The following CLEC7A variants were observed in gnomAD, a reference collection of about 807,000 sequenced individuals.
The protein encoded by CLEC7A is C-type lectin domain containing 7A, also known as C-type lectin domain family 7 member A.
In CLEC7A, 25 loss-of-function variants were observed where a neutral mutation model predicts 26.9. The observed-to-expected ratio is 0.93, with a 90% CI of 0.68 to 1.30. CLEC7A has a LOEUF of 1.30. CLEC7A is among the 50% of genes most tolerant of loss of function. The pLI is 0.00. For missense variants in CLEC7A, 275 were observed against 286.7 expected (o/e 0.96, Z 0.29); for synonymous variants, 100 against 99.5 (o/e 1.01, Z -0.03).
In CLEC7A at chr12:10,125,243, T is replaced by C. The variant is rs868279605; in HGVS notation, c.492+54A>G. On this transcript the variant is annotated intron_variant, in intron 4 of 5. Transcript: ENST00000304084. ...ATTGTCATTACCTGGAATCTCCCTCTATCTTCCTTCAGGATACACACCACA... is the reference window on the plus strand; with the variant it reads ...ATTGTCATTACCTGGAATCTCCCTCCATCTTCCTTCAGGATACACACCACA... 16 of 1,407,404 alleles carry C rather than the reference T, an allele frequency of 1.1e-5. No homozygotes were observed. In the Middle Eastern group the frequency reaches 1.1e-3, roughly 96 times the overall value. The allele number at this position is 1,407,404 out of a possible 1,614,324, so 87.2% of individuals were successfully genotyped here. A position where few individuals can be genotyped will look rare whatever the true frequency, so the allele number is the denominator to read the frequency against.
At position 10,130,068 on chromosome 12, in the gene CLEC7A, A is replaced by T. The variant is rs1948440689; in HGVS notation, c.15T>A (p.Pro5=). MEYH[P]DLENLDEDGY... Reference sequence around the variant, plus strand: ...CATCTTCATCCAAATTTTCTAAATCAGGATGATATTCCATTGTTCTTGAGA... The same window carrying T: ...CATCTTCATCCAAATTTTCTAAATCTGGATGATATTCCATTGTTCTTGAGA... The change falls in exon 1 of 6, where the codon CCT becomes CCA. Residue 5 remains proline, a synonymous_variant. Transcript: ENST00000304084. 1 of 1,582,164 alleles carries T rather than the reference A, an allele frequency of 6.3e-7. No individual in the cohort carries two copies. Among genetic ancestry groups the T allele is most frequent in the Non-Finnish European group, 8.7e-7 (1 of 1,151,766 alleles).
upstream of CLEC7A, chr12:10,130,281 C>T: frequency 2.3e-6 from 1 of 429,518 alleles, no homozygotes; most frequent in African/African-American, 2.0e-5. Flanking sequence ...TGGTAATTTT[C>T]CATTTGTACC....
chr12:10,125,350 G>T lies in CLEC7A; in HGVS notation c.439C>A (p.Gln147Lys). 1 of 1,613,638 alleles carries T rather than the reference G, an allele frequency of 6.2e-7. No individual in the cohort carries two copies. The highest frequency in any genetic ancestry group is 8.5e-7 in the Non-Finnish European group (1 of 1,179,830). The change falls in exon 4 of 6, where the codon CAA becomes AAA. Residue 147 changes from glutamine (Q) to lysine (K), a missense_variant. Transcript: ENST00000304084. The part of the protein sequence containing the change: ...SLNSWDGSKR[Q>K]CWQLGSNLLK... ...AGATTAGAGCCCAGTTGCCAGCATT[G>T]TCTTTTACTTCCATCCCAGGAATTT...
At chr12:10,127,179 G>C in intron 2 of CLEC7A, 1 of 1,056,720 alleles carries the variant, frequency 9.5e-7, no homozygotes, top group Non-Finnish European at 1.3e-6. Context: ...GATTGCATGT[G>C]ATATAAAATG....
intron 3 of CLEC7A, chr12:10,125,991 A>G (rs1297421183): frequency 5.8e-6 from 1 of 173,114 alleles, no homozygotes; most frequent in Non-Finnish European, 1.1e-5. Context: ...GTCATAGTCA[A>G]TTATGATGCA....
intron 5 of CLEC7A, among the ~76,000 whole-genome samples, chr12:10,120,977 A>T (rs1323262721): frequency 6.6e-6 from 1 of 150,556 alleles, no homozygotes; most frequent in African/African-American, 2.4e-5. Context: ...AATCGCTTGA[A>T]CCCAGGAGGC....
Position 10,129,976 on chromosome 12 carries a change from A to G in CLEC7A, c.103+4T>C, listed in dbSNP as rs1348331773. 6 of 1,546,228 alleles carry G rather than the reference A, an allele frequency of 3.9e-6. No homozygotes were observed. The highest frequency in any genetic ancestry group is 1.7e-5 in the Admixed American group (1 of 59,808). ...GGCACACATTAGAAAAAACATATAT[A>G]TACCTTTCTCTGAAACAACAGCTAT... On this transcript the variant is annotated splice_donor_region_variant and intron_variant, in intron 1 of 5. Coordinates refer to ENST00000304084, the MANE Select transcript of CLEC7A (RefSeq NM_197947.3).
At position 10,127,857 on chromosome 12, in the gene CLEC7A, G is replaced by A. The variant is rs779610707; in HGVS notation, c.104-12C>T. On this transcript the variant is annotated splice_polypyrimidine_tract_variant and intron_variant, in intron 1 of 5. Coordinates refer to ENST00000304084, the MANE Select transcript of CLEC7A (RefSeq NM_197947.3). The stretch of plus-strand genomic sequence containing the variant: ...TGCAGCACACGATCCTGAGGAGCCA[G>A]AGGGGGCAGAAATGGAATAAAGAAA... The A allele has an allele frequency of 7.5e-5, 113 of 1,508,028 alleles. No individual in the cohort carries two copies. The highest frequency in any genetic ancestry group is 5.1e-4 in the Middle Eastern group (3 of 5,828). The allele number at this position is 1,508,028 out of a possible 1,614,324, so 93.4% of individuals were successfully genotyped here. A position where few individuals can be genotyped will look rare whatever the true frequency, so the allele number is the denominator to read the frequency against.
intron 2 of CLEC7A, 50 bp downstream of exon 2, chr12:10,127,697 T>C: frequency 7.9e-7 from 1 of 1,267,020 alleles, no homozygotes; most frequent in East Asian, 2.5e-5. Flanking sequence ...TGGCACATAA[T>C]AATTGCTTAC....
intron 4 of CLEC7A, among the ~76,000 whole-genome samples, chr12:10,124,559 T>A (rs888053673): frequency 9.9e-5 from 15 of 152,194 alleles, no homozygotes; most frequent in Non-Finnish European, 1.8e-4. Context: ...AGATTATATG[T>A]GTCCTGTGAT....
In CLEC7A at chr12:10,121,275, A is replaced by G. The variant is rs541484984; in HGVS notation, c.611+1970T>C. On this transcript the variant is annotated intron_variant, in intron 5 of 5. Coordinates refer to ENST00000304084, the MANE Select transcript of CLEC7A (RefSeq NM_197947.3). ...ATGAAAGAGCACATTCCAAATGAAC[A>G]GAAAAAAAAAACAGAATAAGAAAAA... Among the ~76,000 whole-genome samples the G allele has an allele frequency of 1.6e-4, 23 of 144,796 alleles. No homozygotes were observed. In the South Asian group the frequency reaches 5.0e-3, roughly 31 times the overall value. The allele number at this position is 144,796 out of a possible 152,430, so 95.0% of individuals were successfully genotyped here. A position where few individuals can be genotyped will look rare whatever the true frequency, so the allele number is the denominator to read the frequency against.
In CLEC7A at chr12:10,123,414, A is replaced by G. The variant is rs553551197; in HGVS notation, c.493-51T>C. On this transcript the variant is annotated intron_variant, in intron 4 of 5. Coordinates refer to ENST00000304084, the MANE Select transcript of CLEC7A (RefSeq NM_197947.3). ...TAATAAAGAGAGAGAGAGAGAGAGA[A>G]AGAAACTATTATCATGGACGCTGAG... 4.4e-4 allele frequency: 429 copies of G among 976,024 alleles called. 1 individual carries two copies. Among genetic ancestry groups the G allele is most frequent in the Middle Eastern group, 1.5e-3 (7 of 4,538 alleles). The allele number at this position is 976,024 out of a possible 1,614,324, so 60.5% of individuals were successfully genotyped here.
At chr12:10,119,789 A>G (rs996122034) in intron 5 of CLEC7A, among the ~76,000 whole-genome samples, 3 of 152,104 alleles carry the variant, frequency 2.0e-5, no homozygotes, top group Non-Finnish European at 4.4e-5. Flanking sequence ...CAACACTATA[A>G]AAAGCAATCT....
chr12:10,127,422 A>G, intron 2 of CLEC7A: 1 of 1,613,982 alleles, frequency 6.2e-7, no homozygotes, highest in Non-Finnish European at 8.5e-7. Flanking sequence ...TATCCTTTGA[A>G]TTCCACAGCT....
chr12:10,126,584 AGCTT>A lies in CLEC7A; in HGVS notation c.323_326del (p.Lys108MetfsTer30). 1 of 1,606,130 alleles carries A rather than the reference AGCTT, an allele frequency of 6.2e-7. No homozygotes were observed. The highest frequency in any genetic ancestry group is 1.7e-5 in the Admixed American group (1 of 58,606). On this transcript the variant is annotated frameshift_variant, in exon 3 of 6. Coordinates refer to ENST00000304084, the MANE Select transcript of CLEC7A (RefSeq NM_197947.3). LOFTEE classifies it high-confidence loss of function. ...CTATGCCCTTGCCTGTGGTTTTGAC[AGCTT>A]TGGTAGGAGTCACACTGTCTTCTAA...
At chr12:10,126,408 A>C (rs183364657) in intron 3 of CLEC7A, 163 bp downstream of exon 3, 1 of 978,566 alleles carries the variant, frequency 1.0e-6, no homozygotes, top group Non-Finnish European at 1.2e-6. Context: ...CTTATTGTAT[A>C]TATGACAGGG....
In CLEC7A at chr12:10,116,867, A is replaced by C. The variant is rs1274379865; in HGVS notation, c.*1591T>G. The C allele has an allele frequency of 2.0e-5, 3 of 152,198 alleles. No homozygotes were observed. The highest frequency in any genetic ancestry group is 3.8e-4 in the East Asian group (2 of 5,202). 9.4% of individuals were successfully genotyped at this position (152,198 alleles called of 1,614,324 possible). On this transcript the variant is annotated 3_prime_UTR_variant, in exon 6 of 6. Transcript: ENST00000304084. ...CTGCATAATTTAGTAAAATTGGTACAATTTCTTTTCACATATTAATCAACA... is the reference window on the plus strand; with the variant it reads ...CTGCATAATTTAGTAAAATTGGTACCATTTCTTTTCACATATTAATCAACA...
At chr12:10,129,445 A>T (rs1555083389) in intron 1 of CLEC7A, among the ~76,000 whole-genome samples, 1 of 152,220 alleles carries the variant, frequency 6.6e-6, no homozygotes, top group Non-Finnish European at 1.5e-5. Flanking sequence ...GCCATCAGAC[A>T]TAATTAATTT....
chr12:10,119,792 AG>A (rs1276189064), intron 5 of CLEC7A, among the ~76,000 whole-genome samples: 1 of 152,122 alleles, frequency 6.6e-6, no homozygotes, highest in African/African-American at 2.4e-5. Flanking sequence ...CACTATAAAA[AG>A]CAATCTGACA....
Sources: allele counts gnomAD v4.1 joint callset (sites outside exome capture counted in the v4.1 genomes callset), GRCh38; gene constraint gnomAD v4.1.1; transcripts MANE v1.5; gene names NCBI Gene and HGNC (gene_info 2026-07-23, HGNC 2026-07-21).